MAGI2: variants seen among roughly 807,000 people sequenced by gnomAD.
MAGI2 encodes membrane associated guanylate kinase, WW and PDZ domain containing 2.
MAGI2 carries 35 observed loss-of-function variants against 133.3 expected under a neutral mutation model. The ratio of observed to expected loss-of-function variants is 0.26; its 90% CI spans 0.20 to 0.35. The LOEUF is 0.35. Ranked by LOEUF, MAGI2 falls within the 10% of genes least tolerant of loss-of-function variation. The pLI is 1.00. For synonymous variants in MAGI2, 729 were observed against 710.6 expected, an observed-to-expected ratio of 1.03 and a Z score of -0.41; for missense variants, 1,636 against 1,863.4, an observed-to-expected ratio of 0.88 and a Z score of 2.25.
intron 2 of MAGI2, among the ~76,000 whole-genome samples, chr7:78,853,476 C>T (rs550678809): frequency 6.7e-6 from 1 of 149,914 alleles, no homozygotes; most frequent in Non-Finnish European, 1.5e-5. Flanking sequence ...CCACATCAGC[C>T]TCCTGAGTAG....
At chr7:78,765,043 AGACT>A (rs1824870728) in intron 2 of MAGI2, among the ~76,000 whole-genome samples, 1 of 152,232 alleles carries the variant, frequency 6.6e-6, no homozygotes, top group African/African-American at 2.4e-5. Context: ...AGGGAAAGAC[AGACT>A]ATGATTTTGC....
At chr7:79,311,777 T>C (rs906589309) in intron 1 of MAGI2, among the ~76,000 whole-genome samples, 1 of 152,156 alleles carries the variant, frequency 6.6e-6, no homozygotes, top group African/African-American at 2.4e-5. Context: ...ACTTGCTCTC[T>C]TCTCTACTAA....
intron 6 of MAGI2, among the ~76,000 whole-genome samples, chr7:78,470,861 ATACTT>A (rs761021257): frequency 3.3e-5 from 5 of 152,182 alleles, no homozygotes; most frequent in Non-Finnish European, 5.9e-5. Flanking sequence ...ATGAGATAAA[ATACTT>A]TACAATAAGG....
At chr7:78,229,993 A>C (rs549017389) in intron 10 of MAGI2, among the ~76,000 whole-genome samples, 4 of 152,374 alleles carry the variant, frequency 2.6e-5, no homozygotes, top group African/African-American at 9.6e-5. Flanking sequence ...TTCAGTTAAC[A>C]GTGCCTACGT....
intron 20 of MAGI2, among the ~76,000 whole-genome samples, chr7:78,111,739 TA>T (rs1819385017): frequency 6.6e-6 from 1 of 152,054 alleles, no homozygotes. Flanking sequence ...GGCCAGACAA[TA>T]AAGGGAAAAG....
chr7:78,082,864 G>C (rs574643823), intron 20 of MAGI2, among the ~76,000 whole-genome samples: 4 of 152,280 alleles, frequency 2.6e-5, no homozygotes, highest in African/African-American at 9.6e-5. Context: ...CTTTGGAACA[G>C]TATGAACTGT....
chr7:78,764,725 G>C (rs767399895), intron 2 of MAGI2, among the ~76,000 whole-genome samples: 15 of 152,144 alleles, frequency 9.9e-5, no homozygotes, highest in African/African-American at 1.4e-4. Flanking sequence ...TAGAGTAGTT[G>C]CCAATTGTTT....
intron 2 of MAGI2, among the ~76,000 whole-genome samples, chr7:78,867,851 A>G (rs917596358): frequency 1.4e-4 from 21 of 152,232 alleles, no homozygotes; most frequent in Admixed American, 1.2e-3. Flanking sequence ...AGGGTCTACT[A>G]CAGCCTCCAG....
chr7:78,314,101 T>C (rs1362185357), intron 9 of MAGI2, among the ~76,000 whole-genome samples: 2 of 152,170 alleles, frequency 1.3e-5, no homozygotes, highest in Non-Finnish European at 2.9e-5. Context: ...GTTCCTTGAA[T>C]ACAAAGATAG....
intron 1 of MAGI2, among the ~76,000 whole-genome samples, chr7:79,146,213 G>T (rs1433194793): frequency 1.3e-5 from 2 of 152,174 alleles, no homozygotes; most frequent in Non-Finnish European, 2.9e-5. Context: ...TGTGGAAGAG[G>T]GAGAGCAAAA....
At chr7:78,420,953 T>A (rs985477606) in intron 6 of MAGI2, among the ~76,000 whole-genome samples, 6 of 152,114 alleles carry the variant, frequency 3.9e-5, no homozygotes, top group African/African-American at 1.4e-4. Context: ...AGGTCAGAGG[T>A]AACGGATCAA....
At chr7:79,357,567 T>C (rs1842102346) in intron 1 of MAGI2, among the ~76,000 whole-genome samples, 1 of 152,224 alleles carries the variant, frequency 6.6e-6, no homozygotes, top group African/African-American at 2.4e-5. Context: ...CCTCAGTCTT[T>C]TAATGAATTG....
intron 1 of MAGI2, among the ~76,000 whole-genome samples, chr7:79,294,141 G>T (rs1323681973): frequency 7.0e-6 from 1 of 143,878 alleles, no homozygotes; most frequent in Non-Finnish European, 1.5e-5. Context: ...TTGCACCATT[G>T]CATTCCAGCC....
At chr7:79,113,201 C>T (rs1819082694) in intron 1 of MAGI2, among the ~76,000 whole-genome samples, 1 of 152,128 alleles carries the variant, frequency 6.6e-6, no homozygotes, top group Admixed American at 6.6e-5. Flanking sequence ...GGCTGTCATC[C>T]TTTTTGTCAC....
At chr7:79,025,874 G>A (rs546427748) in intron 1 of MAGI2, among the ~76,000 whole-genome samples, 3 of 152,146 alleles carry the variant, frequency 2.0e-5, no homozygotes, top group Non-Finnish European at 4.4e-5. Context: ...GTTGCCAAGT[G>A]GCTATAAAAG....
At chr7:78,073,640 G>C (rs1814957676) in intron 21 of MAGI2, among the ~76,000 whole-genome samples, 1 of 152,206 alleles carries the variant, frequency 6.6e-6, no homozygotes, top group Non-Finnish European at 1.5e-5. Flanking sequence ...TCATCCAGCG[G>C]CACCTCTATT....
At chr7:78,062,724 C>T (rs1813411575) in intron 21 of MAGI2, among the ~76,000 whole-genome samples, 2 of 152,340 alleles carry the variant, frequency 1.3e-5, no homozygotes, top group African/African-American at 4.8e-5. Context: ...TCCCCAAATG[C>T]TCCGGCTCCA....
intron 1 of MAGI2, among the ~76,000 whole-genome samples, chr7:79,434,516 GA>G (rs571768341): frequency 1.8e-4 from 28 of 152,144 alleles, no homozygotes; most frequent in East Asian, 5.8e-4. Flanking sequence ...TGATTTTGGG[GA>G]AAAAAATACT....
intron 1 of MAGI2, among the ~76,000 whole-genome samples, chr7:79,009,969 CTA>C (rs1406414564): frequency 6.6e-6 from 1 of 151,988 alleles, no homozygotes; most frequent in Non-Finnish European, 1.5e-5. Flanking sequence ...ATTAAAAAAA[CTA>C]TTTTGATTGA....
Sources: allele counts gnomAD v4.1 joint callset (sites outside exome capture counted in the v4.1 genomes callset), GRCh38; gene constraint gnomAD v4.1.1; transcripts MANE v1.5; gene names NCBI Gene and HGNC (gene_info 2026-07-23, HGNC 2026-07-21).